The following SUGCT variants were observed in gnomAD, a reference collection of about 807,000 sequenced individuals.
SUGCT encodes the protein succinyl-CoA:glutarate-CoA transferase, also known as succinyl-CoA:glutarate CoA-transferase.
SUGCT carries 41 observed loss-of-function variants against 55.0 expected under a neutral mutation model. The ratio of observed to expected loss-of-function variants is 0.74; its 90% CI spans 0.58 to 0.97. The LOEUF (loss-of-function observed/expected upper bound fraction) is 0.97, where lower values mean the gene tolerates loss of function less well. Among genes scored for constraint, SUGCT ranks in the 50% least tolerant of loss-of-function variants. SUGCT has a pLI of 0.00. For synonymous variants in SUGCT, 187 were observed against 200.4 expected (o/e 0.93, Z 0.56); for missense variants, 568 against 547.8 (o/e 1.04, Z -0.37).
chr7:41,013,755 CTTTT>C, the SUGCT span, among the ~76,000 whole-genome samples: 1 of 140,862 alleles, frequency 7.1e-6, no homozygotes, highest in African/African-American at 2.6e-5. Flanking sequence ...TTCTTTCTTT[CTTTT>C]TTTTTTTTAA....
At chr7:40,905,640 T>C in the SUGCT span, among the ~76,000 whole-genome samples, 1 of 152,058 alleles carries the variant, frequency 6.6e-6, no homozygotes, top group Non-Finnish European at 1.5e-5. Flanking sequence ...TCCTGGCATC[T>C]AATAGGTGCC....
the SUGCT span, among the ~76,000 whole-genome samples, chr7:40,935,898 C>T: frequency 1.3e-5 from 2 of 152,134 alleles, no homozygotes; most frequent in Non-Finnish European, 2.9e-5. Context: ...TAGATCTTTA[C>T]CAACATTTGT....
intron 7 of SUGCT, among the ~76,000 whole-genome samples, chr7:40,265,987 C>CA (rs1388766273): frequency 6.6e-6 from 1 of 151,548 alleles, no homozygotes; most frequent in Non-Finnish European, 1.5e-5. Flanking sequence ...AAACAAAAAA[C>CA]AAAAACCTTC....
intron 6 of SUGCT, among the ~76,000 whole-genome samples, chr7:40,230,153 A>G (rs1441123065): frequency 6.6e-6 from 1 of 152,158 alleles, no homozygotes; most frequent in East Asian, 1.9e-4. Context: ...CTAGTAACCT[A>G]TCATTGACCA....
At chr7:40,843,483 C>T (rs937519539) in intron 13 of SUGCT, among the ~76,000 whole-genome samples, 2 of 131,232 alleles carry the variant, frequency 1.5e-5, no homozygotes, top group African/African-American at 5.5e-5. Flanking sequence ...GCACTCCAGC[C>T]TAGCAACAGA....
chr7:40,900,742 G>C, the SUGCT span, among the ~76,000 whole-genome samples: 1 of 152,226 alleles, frequency 6.6e-6, no homozygotes, highest in African/African-American at 2.4e-5. Flanking sequence ...ATTTCCGCAA[G>C]GAAGCTAAAG....
intron 1 of SUGCT, among the ~76,000 whole-genome samples, chr7:40,177,537 C>T (rs1784987765): frequency 6.6e-6 from 1 of 152,124 alleles, no homozygotes; most frequent in Non-Finnish European, 1.5e-5. Context: ...AATTATTATT[C>T]ATACTCTGAT....
At chr7:40,139,996 G>C (rs1268884713) in intron 1 of SUGCT, among the ~76,000 whole-genome samples, 1 of 151,844 alleles carries the variant, frequency 6.6e-6, no homozygotes, top group Non-Finnish European at 1.5e-5. Flanking sequence ...TCCGCCTCCT[G>C]GGTTCAAGCG....
At chr7:40,807,992 T>C (rs1353896004) in intron 13 of SUGCT, among the ~76,000 whole-genome samples, 1 of 152,148 alleles carries the variant, frequency 6.6e-6, no homozygotes, top group African/African-American at 2.4e-5. Flanking sequence ...GGTGGGTGGG[T>C]CTGCCTTTCC....
intron 12 of SUGCT, among the ~76,000 whole-genome samples, chr7:40,663,077 G>T (rs527450730): frequency 1.3e-5 from 2 of 152,242 alleles, no homozygotes; most frequent in African/African-American, 4.8e-5. Context: ...TACTTTAAAT[G>T]ACATTATTAA....
At chr7:40,282,082 C>A (rs568141111) in intron 8 of SUGCT, among the ~76,000 whole-genome samples, 6 of 152,088 alleles carry the variant, frequency 3.9e-5, no homozygotes, top group Admixed American at 6.6e-5. Flanking sequence ...AGGCATGAGC[C>A]ACCGCACCCA....
chr7:40,684,168 C>T (rs755372667), intron 12 of SUGCT: 57 of 1,555,452 alleles, frequency 3.7e-5, no homozygotes, highest in East Asian at 9.1e-5. Context: ...CATCTCACTT[C>T]CTGCAGCCAG....
chr7:40,567,495 G>A (rs577181951), intron 12 of SUGCT, among the ~76,000 whole-genome samples: 93 of 152,170 alleles, frequency 6.1e-4, no homozygotes, highest in Admixed American at 9.2e-4. Flanking sequence ...ATCATCATAG[G>A]CCTAGATATT....
intron 9 of SUGCT, among the ~76,000 whole-genome samples, chr7:40,389,510 T>C (rs1245810656): frequency 6.6e-6 from 1 of 151,982 alleles, no homozygotes; most frequent in Non-Finnish European, 1.5e-5. Context: ...CCTTACTGTT[T>C]TGTGTTCTGA....
chr7:40,685,047 G>A (rs1319873830), intron 12 of SUGCT, among the ~76,000 whole-genome samples: 1 of 151,978 alleles, frequency 6.6e-6, no homozygotes, highest in Non-Finnish European at 1.5e-5. Flanking sequence ...AGTAGAGATG[G>A]AGTTTTACCA....
intron 6 of SUGCT, among the ~76,000 whole-genome samples, chr7:40,210,482 GTATA>G: frequency 6.7e-6 from 1 of 149,514 alleles, no homozygotes. Flanking sequence ...ATATATATGT[GTATA>G]TATATATATA....
chr7:40,694,618 C>T (rs1184866372), intron 12 of SUGCT, among the ~76,000 whole-genome samples: 1 of 152,176 alleles, frequency 6.6e-6, no homozygotes, highest in East Asian at 1.9e-4. Context: ...AAGTGATTCA[C>T]GTTGTTAGTG....
At chr7:40,413,513 A>T (rs955904595) in intron 9 of SUGCT, among the ~76,000 whole-genome samples, 1 of 152,218 alleles carries the variant, frequency 6.6e-6, no homozygotes, top group Non-Finnish European at 1.5e-5. Flanking sequence ...AAACATTTAT[A>T]TACTATTTGG....
At chr7:40,274,861 G>C (rs1792358505) in intron 8 of SUGCT, among the ~76,000 whole-genome samples, 1 of 152,108 alleles carries the variant, frequency 6.6e-6, no homozygotes, top group Admixed American at 6.6e-5. Context: ...GAGTGCAATG[G>C]CGTGATCTTG....
Sources: allele counts gnomAD v4.1 joint callset (sites outside exome capture counted in the v4.1 genomes callset), GRCh38; gene constraint gnomAD v4.1.1; transcripts MANE v1.5; gene names NCBI Gene and HGNC (gene_info 2026-07-23, HGNC 2026-07-21).